Variants in DNAJC2 observed in about 807,000 individuals in gnomAD.
DNAJC2 encodes the protein dnaJ homolog subfamily C member 2.
DNAJC2 carries 32 observed loss-of-function variants against 94.0 expected under a neutral mutation model. The observed-to-expected ratio is 0.34, with a 90% CI of 0.26 to 0.46. DNAJC2 has a LOEUF of 0.46. DNAJC2 is among the 20% of genes least tolerant of loss of function. The pLI is 1.00. For missense variants in DNAJC2, 550 were observed against 719.5 expected (o/e 0.76, Z 2.69); for synonymous variants, 210 against 229.7 (o/e 0.91, Z 0.77).
At chr7:103,313,578 C>T in intron 15 of DNAJC2, 1 of 981,516 alleles carries the variant, frequency 1.0e-6, no homozygotes, top group African/African-American at 1.7e-5. Context: ...AGGAAACAAA[C>T]CTAGCAAAAT....
At chr7:103,340,744 G>A (rs1051630144) in intron 2 of DNAJC2, among the ~76,000 whole-genome samples, 6 of 152,164 alleles carry the variant, frequency 3.9e-5, no homozygotes, top group Non-Finnish European at 8.8e-5. Flanking sequence ...TTTGTCCCTT[G>A]CTGTTGTCAT....
In DNAJC2 at chr7:103,319,843, G is replaced by A; in HGVS notation, c.1085C>T (p.Thr362Ile). Residue 362 changes from threonine to isoleucine, a missense_variant and splice_region_variant, in exon 11 of 17, where the codon ACC becomes ATC. Physicochemically the swap from Thr to Ile is moderately conservative, Grantham distance 89. Transcript: ENST00000379263. The part of the protein sequence containing the change: ...ERQKLRNSCK[T>I]WNHFSDNEAE... ...CTCATTATCAGAAAAATGATTCCAG[G>A]TCTAAAAGCACAAACACAAAAATAG... The A allele has an allele frequency of 6.2e-7, 1 of 1,613,724 alleles. No homozygotes were observed. Among genetic ancestry groups the A allele is most frequent in the Non-Finnish European group, 8.5e-7 (1 of 1,179,928 alleles).
At chr7:103,323,809 G>C (rs1818554661) in intron 6 of DNAJC2, 146 bp from the exon 7 acceptor site, 6 of 627,250 alleles carry the variant, frequency 9.6e-6, no homozygotes, top group South Asian at 6.6e-5. Context: ...CTTTTTTAAG[G>C]ACATTGCATT....
Position 103,316,837 on chromosome 7 carries a change from T to C in DNAJC2, c.1420A>G (p.Asn474Asp). 1 of 1,612,980 alleles carries C rather than the reference T, an allele frequency of 6.2e-7. No homozygotes were observed. The highest frequency in any genetic ancestry group is 8.5e-7 in the Non-Finnish European group (1 of 1,179,610). ...TTTCATTAAAACCAGTACCTTGAAT[T>C]TGTTCCAGCAGGGAACAGATTCACA... The part of the protein sequence containing the change: ...KAVNLFPAGT[N>D]SRWEVIANYM... Residue 474 changes from asparagine to aspartate, a missense_variant, in exon 13 of 17, where the codon AAT becomes GAT. Physicochemically the swap from Asn to Asp is conservative, Grantham distance 23. Transcript: ENST00000379263.
At chr7:103,312,678 C>A (rs73412165) in intron 16 of DNAJC2, 35 bp from the exon 17 acceptor site, 19 of 1,602,886 alleles carry the variant, frequency 1.2e-5, no homozygotes, top group Non-Finnish European at 1.6e-5. Flanking sequence ...TAAGAAGTTG[C>A]GATTTAAAAA....
chr7:103,312,853 ATAT>A, intron 16 of DNAJC2, 91 bp downstream of exon 16: 1 of 1,534,580 alleles, frequency 6.5e-7, no homozygotes, highest in Non-Finnish European at 8.7e-7. Context: ...AATAAGCACT[ATAT>A]TATTAACCAC....
At chr7:103,329,075 G>A (rs1001157350) in intron 3 of DNAJC2, 7 of 999,946 alleles carry the variant, frequency 7.0e-6, no homozygotes, top group Admixed American at 3.6e-5. Flanking sequence ...TGTGATTATC[G>A]CTGGTGGTCA....
rs190480060 is a variant in DNAJC2, at chr7:103,313,816, C to T, written c.1637-715G>A. On this transcript the variant is annotated intron_variant, in intron 15 of 16. Coordinates refer to ENST00000379263, the MANE Select transcript of DNAJC2 (RefSeq NM_014377.3). The stretch of plus-strand genomic sequence containing the variant: ...TTAAGGATGTTAAGTATTACACAGT[C>T]CACTTGTGTAGGTAAAAGTAGAATG... 2.9e-5 allele frequency: 29 copies of T among 984,118 alleles called. No individual in the cohort carries two copies. In the African/African-American group the frequency reaches 4.7e-4, roughly 16 times the overall value. 61.0% of individuals were successfully genotyped at this position (984,118 alleles called of 1,614,324 possible). A position where few individuals can be genotyped will look rare whatever the true frequency, so the allele number is the denominator to read the frequency against.
At chr7:103,337,696 T>C in intron 3 of DNAJC2, 40 bp downstream of exon 3, 1 of 1,488,564 alleles carries the variant, frequency 6.7e-7, no homozygotes, top group Non-Finnish European at 9.4e-7. Context: ...CCTGTTCCTA[T>C]ACAAGATATT....
intron 2 of DNAJC2, among the ~76,000 whole-genome samples, chr7:103,338,841 C>G (rs1190979773): frequency 6.6e-6 from 1 of 151,852 alleles, no homozygotes; most frequent in African/African-American, 2.4e-5. Flanking sequence ...ACCTGGGAGG[C>G]GGAGGTTGCA....
chr7:103,313,098 G>A lies in DNAJC2; in HGVS notation c.1640C>T (p.Pro547Leu). 6.3e-7 allele frequency: 1 copy of A among 1,597,954 alleles called. No homozygotes were observed. Residue 547 changes from proline (P) to leucine (L), a missense_variant, in exon 16 of 17, where the codon CCA (proline) becomes CTA (leucine). By Grantham distance (98) the Pro-to-Leu change is moderately conservative. This residue lies in a region of DNAJC2 where 271 missense variants were observed against 302.6 expected (regional missense o/e 0.90). Coordinates refer to ENST00000379263, the MANE Select transcript of DNAJC2 (RefSeq NM_014377.3). ...NATPSERFEG[P>L]YTDFTPWTTE... ...TGTCCAAGGGGTGAAGTCTGTATAT[G>A]GACCTGATTAAGAAAAATTTTTATT...
rs1818721511 is a variant in DNAJC2 at position 103,326,611 on chromosome 7, A to C, written c.504T>G (p.Val168=). 1 of 1,612,514 alleles carries C rather than the reference A, an allele frequency of 6.2e-7. No individual in the cohort carries two copies. Among genetic ancestry groups the C allele is most frequent in the African/African-American group, 1.3e-5 (1 of 74,736 alleles). ...TATCCTTTGCTTCACTTTTAGAAGG[A>C]ACTGAGTTATCAAAAGTAGGATCTA... ...NSVDPTFDNS[V]PSKSEAKDNF... The change falls in exon 5 of 17, where the codon GTT becomes GTG. Residue 168 remains valine (V), a synonymous_variant. Coordinates refer to ENST00000379263, the MANE Select transcript of DNAJC2 (RefSeq NM_014377.3).
At chr7:103,317,352 T>C in intron 12 of DNAJC2, 1 of 224,588 alleles carries the variant, frequency 4.5e-6, no homozygotes, top group Non-Finnish European at 8.6e-6. Flanking sequence ...CAAACTCATA[T>C]TCACCCTTTC....
intron 10 of DNAJC2, 115 bp downstream of exon 10, chr7:103,321,817 C>T (rs1818435331): frequency 8.1e-7 from 1 of 1,239,118 alleles, no homozygotes; most frequent in Non-Finnish European, 1.1e-6. Flanking sequence ...CACTGCACTC[C>T]AGCCTGGGCG....
chr7:103,315,720 G>C lies in DNAJC2; in HGVS notation c.1636+44C>G, dbSNP rs898597557. The C allele has an allele frequency of 7.5e-6, 10 of 1,334,266 alleles. No individual in the cohort carries two copies. The African/African-American group carries it at 8.7e-5, about 12-fold the overall frequency. The allele number at this position is 1,334,266 out of a possible 1,614,324, so 82.7% of individuals were successfully genotyped here. On this transcript the variant is annotated intron_variant, in intron 15 of 16. Transcript: ENST00000379263. The stretch of plus-strand genomic sequence containing the variant: ...AAGTCTTGTACGTCCAAGCAGCACA[G>C]ATACATGGCTAGCATTTTCTACGTT...
intron 5 of DNAJC2, 66 bp from the exon 6 acceptor site, chr7:103,324,628 T>A: frequency 1.6e-6 from 2 of 1,253,184 alleles, no homozygotes; most frequent in Non-Finnish European, 2.1e-6. Context: ...CAACAAACAA[T>A]TTAATTTATT....
intron 5 of DNAJC2, 194 bp from the exon 6 acceptor site, chr7:103,324,756 A>T: frequency 2.5e-6 from 1 of 398,606 alleles, no homozygotes; most frequent in Non-Finnish European, 4.2e-6. Flanking sequence ...GCGAAAAGTG[A>T]GGCCAAAGAT....
chr7:103,335,095 A>G (rs1308091624), intron 3 of DNAJC2: 1 of 152,144 alleles, frequency 6.6e-6, no homozygotes, highest in African/African-American at 2.4e-5. Context: ...CAGCCTCCCA[A>G]AGTGCTAGGA....
Position 103,344,758 on chromosome 7 carries a change from G to T in DNAJC2, c.-136C>A. On this transcript the variant is annotated 5_prime_UTR_variant, in exon 1 of 17. Transcript: ENST00000379263. ...AGACGCCCAGGAACCGGCGCATGGA[G>T]ACGACCAGTAAGCACTTCCGGGATG... 1.2e-6 allele frequency: 1 copy of T among 850,572 alleles called. No homozygotes were observed. Among genetic ancestry groups the T allele is most frequent in the African/African-American group, 1.7e-5 (1 of 59,818 alleles). 52.7% of individuals were successfully genotyped at this position (850,572 alleles called of 1,614,324 possible). A position where few individuals can be genotyped will look rare whatever the true frequency, so the allele number is the denominator to read the frequency against.
Sources: gnomAD v4.1 joint callset for allele counts (sites outside exome capture counted in the v4.1 genomes callset) on GRCh38, gnomAD v4.1.1 for gene constraint, gnomAD v4.1.1 regional missense constraint, MANE v1.5 for transcripts, NCBI Gene and HGNC (gene_info 2026-07-23, HGNC 2026-07-21) for gene names.